INVS: variants seen among roughly 807,000 people sequenced by gnomAD.
The protein encoded by INVS is inversion of embryo turning homolog.
A neutral mutation model predicts 108.8 loss-of-function variants in INVS; 86 were observed. That is an observed-to-expected ratio of 0.79 (90% CI 0.66 to 0.95). INVS has a LOEUF of 0.95. INVS is among the 40% of genes least tolerant of loss of function. The pLI is 0.00. For missense variants in INVS, 1,169 were observed against 1,297.4 expected, an observed-to-expected ratio of 0.90 and a Z score of 1.52; for synonymous variants, 455 against 473.5, an observed-to-expected ratio of 0.96 and a Z score of 0.51.
Position 100,221,074 on chromosome 9 carries a change from C to T in INVS, c.274-4988C>T, listed in dbSNP as rs146578110. On this transcript the variant is annotated intron_variant, in intron 3 of 16. Coordinates refer to ENST00000262457, the MANE Select transcript of INVS (RefSeq NM_014425.5). ...AAGAACTCCTCAGTTCAAGAAATAC[C>T]GAGGAAGTATTTAGACTTTCTGTAA... 2.1e-3 allele frequency among the ~76,000 whole-genome samples: 315 copies of T among 152,040 alleles called. 1 individual carries two copies. The highest frequency in any genetic ancestry group is 7.2e-3 in the African/African-American group (300 of 41,444).
At chr9:100,275,793 A>G (rs1833093769) in intron 12 of INVS, among the ~76,000 whole-genome samples, 1 of 152,246 alleles carries the variant, frequency 6.6e-6, no homozygotes, top group Admixed American at 6.5e-5. Context: ...GATATTTACT[A>G]AGACAGGTAA....
chr9:100,242,735 A>G (rs958664385), intron 7 of INVS, 56 bp downstream of exon 7: 6 of 1,005,140 alleles, frequency 6.0e-6, no homozygotes, highest in Non-Finnish European at 9.6e-6. Flanking sequence ...ATTTTTATAT[A>G]ATTGTAGATT....
chr9:100,234,626 A>G (rs1180191542), intron 5 of INVS, among the ~76,000 whole-genome samples: 2 of 152,132 alleles, frequency 1.3e-5, no homozygotes, highest in African/African-American at 4.8e-5. Flanking sequence ...TTATTTGCTC[A>G]GTAGTCATTC....
At chr9:100,154,292 G>A (rs984515953) in intron 3 of INVS, among the ~76,000 whole-genome samples, 1 of 146,558 alleles carries the variant, frequency 6.8e-6, no homozygotes, top group Non-Finnish European at 1.5e-5. Flanking sequence ...AGGCTCCTGA[G>A]TAGCTGGGAT....
intron 3 of INVS, among the ~76,000 whole-genome samples, chr9:100,148,464 G>A (rs1440719878): frequency 6.6e-6 from 1 of 152,146 alleles, no homozygotes; most frequent in South Asian, 2.1e-4. Flanking sequence ...GGAAATGGCA[G>A]AAAATTCCAA....
intron 3 of INVS, among the ~76,000 whole-genome samples, chr9:100,181,597 T>C (rs1301274937): frequency 6.6e-6 from 1 of 151,980 alleles, no homozygotes; most frequent in African/African-American, 2.4e-5. Flanking sequence ...TATAAACCAC[T>C]GCTCAAAGAA....
chr9:100,144,674 G>T, intron 3 of INVS, among the ~76,000 whole-genome samples: 1 of 152,136 alleles, frequency 6.6e-6, no homozygotes, highest in East Asian at 1.9e-4. Context: ...GACTGGGTGT[G>T]AGGAGGGGAG....
intron 8 of INVS, among the ~76,000 whole-genome samples, chr9:100,250,269 C>G (rs1051481973): frequency 1.3e-5 from 2 of 152,122 alleles, no homozygotes; most frequent in Non-Finnish European, 2.9e-5. Context: ...CTCAATATAG[C>G]TCTCACCCAG....
chr9:100,164,430 T>C (rs1176473995), intron 3 of INVS, among the ~76,000 whole-genome samples: 1 of 152,168 alleles, frequency 6.6e-6, no homozygotes, highest in Non-Finnish European at 1.5e-5. Flanking sequence ...GCCTCATTTT[T>C]TAAAATGTTT....
chr9:100,299,084 A>G (rs10118701), intron 16 of INVS, among the ~76,000 whole-genome samples: 70,317 of 152,012 alleles, frequency 0.46, 17,958 homozygotes, highest in East Asian at 0.89. Flanking sequence ...TTAGCAGCAT[A>G]TAAGTTTTTT....
chr9:100,221,279 C>T (rs547595149), intron 3 of INVS, among the ~76,000 whole-genome samples: 35 of 151,256 alleles, frequency 2.3e-4, no homozygotes, highest in Non-Finnish European at 4.1e-4. Context: ...TGCTCATTCC[C>T]AAAGATTGAA....
intron 3 of INVS, among the ~76,000 whole-genome samples, chr9:100,225,335 A>C (rs2118398132): frequency 6.9e-6 from 1 of 144,150 alleles, no homozygotes; most frequent in South Asian, 2.1e-4. Context: ...GATGTGAGCC[A>C]CCACGCCCGG....
At chr9:100,129,694 A>G (rs1007138543) in intron 3 of INVS, 12 of 714,842 alleles carry the variant, frequency 1.7e-5, no homozygotes, top group African/African-American at 1.0e-4. Context: ...AACAATCAGC[A>G]CAGGCAGGAT....
At position 100,240,156 on chromosome 9, in the gene INVS, G is replaced by T. The variant is rs1289149660; in HGVS notation, c.712G>T (p.Asp238Tyr). ...AVADGNVTVV[D>Y]VLTSYESCNI... ...TGCTGATGGGAATGTGACCGTGGTT[G>T]ATGTCTTGACCTCATATGAAAGCTG... Residue 238 changes from aspartate (D) to tyrosine (Y), a missense_variant, in exon 6 of 17, where the codon GAT becomes TAT. Asp to Tyr is a radical substitution (Grantham distance 160, BLOSUM62 -3). Around this residue, in one of 3 missense-constraint regions of INVS, gnomAD observed 365 missense variants for 397.5 expected, o/e 0.92. Coordinates refer to ENST00000262457, the MANE Select transcript of INVS (RefSeq NM_014425.5). 2 of 1,613,886 alleles carry T rather than the reference G, an allele frequency of 1.2e-6. No individual in the cohort carries two copies. Among genetic ancestry groups the T allele is most frequent in the Admixed American group, 1.7e-5 (1 of 60,004 alleles).
chr9:100,147,625 A>G (rs1361457060), intron 3 of INVS, among the ~76,000 whole-genome samples: 1 of 152,158 alleles, frequency 6.6e-6, no homozygotes, highest in Non-Finnish European at 1.5e-5. Context: ...AGCCTGCACA[A>G]GTGAAAAATG....
intron 6 of INVS, among the ~76,000 whole-genome samples, chr9:100,242,043 T>G (rs1409640049): frequency 6.6e-6 from 1 of 152,188 alleles, no homozygotes; most frequent in African/African-American, 2.4e-5. Flanking sequence ...ACTGCCTAGA[T>G]GTTATAAAAT....
intron 3 of INVS, among the ~76,000 whole-genome samples, chr9:100,216,986 AG>A (rs1263714206): frequency 6.6e-6 from 1 of 152,124 alleles, no homozygotes; most frequent in East Asian, 1.9e-4. Context: ...ATGGGCCTCT[AG>A]GGTTCTTGTC....
intron 3 of INVS, among the ~76,000 whole-genome samples, chr9:100,201,779 A>G (rs1294595241): frequency 1.3e-5 from 2 of 152,244 alleles, no homozygotes; most frequent in African/African-American, 4.8e-5. Flanking sequence ...ATAATTAGCA[A>G]TTTATGTATA....
intron 2 of INVS, among the ~76,000 whole-genome samples, chr9:100,119,854 G>A (rs1827670686): frequency 6.6e-6 from 1 of 151,984 alleles, no homozygotes; most frequent in Non-Finnish European, 1.5e-5. Flanking sequence ...CGCTGCACCT[G>A]GTCCAGAATT....
Sources: gnomAD v4.1 joint callset for allele counts (sites outside exome capture counted in the v4.1 genomes callset) on GRCh38, gnomAD v4.1.1 for gene constraint, gnomAD v4.1.1 regional missense constraint, MANE v1.5 for transcripts, NCBI Gene and HGNC (gene_info 2026-07-23, HGNC 2026-07-21) for gene names.